The following GREB1L variants were observed in gnomAD, a reference collection of about 807,000 sequenced individuals.
GREB1L encodes GREB1-like protein.
GREB1L carries 17 observed loss-of-function variants against 200.8 expected under a neutral mutation model. The observed-to-expected ratio is 0.08, with a 90% CI of 0.06 to 0.13. The LOEUF is 0.13. GREB1L is among the 10% of genes least tolerant of loss of function. GREB1L has a pLI of 1.00. For missense variants in GREB1L, 1,657 were observed against 2,367.7 expected (o/e 0.70, Z 6.23); for synonymous variants, 789 against 893.0 (o/e 0.88, Z 2.08).
chr18:21,323,738 C>T (rs1301131455), intron 1 of GREB1L, among the ~76,000 whole-genome samples: 1 of 152,088 alleles, frequency 6.6e-6, no homozygotes. Flanking sequence ...TAGCAAGACC[C>T]CATCTCTAAA....
chr18:21,291,924 A>G (rs1280328589), intron 1 of GREB1L, among the ~76,000 whole-genome samples: 1 of 152,224 alleles, frequency 6.6e-6, no homozygotes, highest in East Asian at 1.9e-4. Flanking sequence ...TACTCTGAAT[A>G]TTTGTGTAAC....
In GREB1L at chr18:21,377,237, T is replaced by C. The variant is rs544448183; in HGVS notation, c.-9-6273T>C. Among the ~76,000 whole-genome samples the C allele has an allele frequency of 5.3e-5, 8 of 151,968 alleles. No individual in the cohort carries two copies. The South Asian group carries it at 8.3e-4, about 16-fold the overall frequency. ...AGGCAGCCTCTATCCCCGGTGACTT[T>C]AGAAAGTGGGGCTAGAGAGGTTGGA... On this transcript the variant is annotated intron_variant, in intron 2 of 32. Coordinates refer to ENST00000424526, the MANE Select transcript of GREB1L (RefSeq NM_001142966.3).
intron 23 of GREB1L, 74 bp downstream of exon 23, chr18:21,500,716 CT>C: frequency 9.2e-7 from 1 of 1,081,366 alleles, no homozygotes; most frequent in South Asian, 1.6e-5. Flanking sequence ...CGGGAACTTG[CT>C]TTTGGCTTCT....
chr18:21,451,327 T>C, intron 13 of GREB1L, 176 bp downstream of exon 13: 1 of 624,240 alleles, frequency 1.6e-6, no homozygotes, highest in Non-Finnish European at 2.6e-6. Flanking sequence ...TAAGGGGGTC[T>C]AGAGGAAGGC....
chr18:21,250,952 C>A lies in GREB1L; in HGVS notation c.-120+8559C>A, dbSNP rs1056282075. Among the ~76,000 whole-genome samples the A allele has an allele frequency of 8.5e-5, 13 of 152,128 alleles. 1 individual carries two copies. The highest frequency in any genetic ancestry group is 1.8e-4 in the Non-Finnish European group (12 of 68,028). ...ACATTTTGGTAGCCATTCTTTTATG[C>A]ATCTCCATGCATATTTATATATAAT... On this transcript the variant is annotated intron_variant, in intron 1 of 32. Transcript: ENST00000424526.
intron 11 of GREB1L, among the ~76,000 whole-genome samples, chr18:21,448,053 TC>T (rs1189296216): frequency 1.3e-5 from 2 of 151,048 alleles, no homozygotes; most frequent in Non-Finnish European, 2.9e-5. Context: ...TCCCAGATAC[TC>T]CGGAGGCTGA....
rs145328908 is a variant in GREB1L, at chr18:21,298,595, A to G, written c.-120+56202A>G. Among the ~76,000 whole-genome samples, 72 of 152,276 alleles carry G rather than the reference A, an allele frequency of 4.7e-4. 4 individuals are homozygous for G. Among genetic ancestry groups the G allele is most frequent in the Middle Eastern group, 6.8e-3 (2 of 294 alleles). ...GGATTTGTGACTTTATAAAATAGCT[A>G]TTTTCAAGGGTGCTCCTGACTGAAT... On this transcript the variant is annotated intron_variant, in intron 1 of 32. Coordinates refer to ENST00000424526, the MANE Select transcript of GREB1L (RefSeq NM_001142966.3).
intron 10 of GREB1L, among the ~76,000 whole-genome samples, 169 bp from the exon 11 acceptor site, chr18:21,444,055 A>C (rs968753403): frequency 6.6e-6 from 1 of 152,228 alleles, no homozygotes; most frequent in Non-Finnish European, 1.5e-5. Flanking sequence ...TAGAATTTGG[A>C]GCATCCAAGT....
intron 1 of GREB1L, among the ~76,000 whole-genome samples, chr18:21,359,087 G>C (rs1469298565): frequency 6.6e-6 from 1 of 152,196 alleles, no homozygotes; most frequent in Non-Finnish European, 1.5e-5. Flanking sequence ...GAAGATAGGT[G>C]TCTTGGCCAT....
At chr18:21,505,113 G>A (rs1198583486) in intron 23 of GREB1L, among the ~76,000 whole-genome samples, 1 of 152,158 alleles carries the variant, frequency 6.6e-6, no homozygotes, top group Non-Finnish European at 1.5e-5. Flanking sequence ...ACAGAAATAA[G>A]ATCATCCAAA....
At chr18:21,256,294 G>A (rs778321434) in intron 1 of GREB1L, among the ~76,000 whole-genome samples, 23 of 152,152 alleles carry the variant, frequency 1.5e-4, no homozygotes, top group Non-Finnish European at 3.4e-4. Flanking sequence ...CTACTTTGAT[G>A]ATTTAATAAT....
At chr18:21,322,472 G>A (rs1372657403) in intron 1 of GREB1L, among the ~76,000 whole-genome samples, 1 of 152,026 alleles carries the variant, frequency 6.6e-6, no homozygotes, top group African/African-American at 2.4e-5. Context: ...TCTTGGATAA[G>A]AAGCTCCTAA....
At chr18:21,290,113 C>G (rs2038423356) in intron 1 of GREB1L, among the ~76,000 whole-genome samples, 1 of 152,114 alleles carries the variant, frequency 6.6e-6, no homozygotes, top group Admixed American at 6.5e-5. Flanking sequence ...GGGCTTTGGC[C>G]TTGGAGTGCT....
At chr18:21,460,523 A>G (rs2034999230) in intron 15 of GREB1L, among the ~76,000 whole-genome samples, 1 of 151,892 alleles carries the variant, frequency 6.6e-6, no homozygotes, top group Non-Finnish European at 1.5e-5. Context: ...TTTTTTTTAT[A>G]TAGACGGAGT....
chr18:21,397,395 G>A (rs2041115897), intron 5 of GREB1L, among the ~76,000 whole-genome samples: 2 of 151,762 alleles, frequency 1.3e-5, no homozygotes, highest in Admixed American at 1.3e-4. Context: ...CGTGGTGGTG[G>A]GTGCCTGCAG....
intron 5 of GREB1L, among the ~76,000 whole-genome samples, chr18:21,396,856 G>A (rs1254932345): frequency 6.6e-6 from 1 of 152,130 alleles, no homozygotes; most frequent in Non-Finnish European, 1.5e-5. Flanking sequence ...GAGCACATGA[G>A]ATTTGTTGCT....
At chr18:21,351,222 T>C (rs2039428398) in intron 1 of GREB1L, among the ~76,000 whole-genome samples, 1 of 152,168 alleles carries the variant, frequency 6.6e-6, no homozygotes, top group Non-Finnish European at 1.5e-5. Context: ...CTGCTTTATG[T>C]AGATGTTTCT....
At chr18:21,422,926 A>G (rs1035637316) in intron 7 of GREB1L, among the ~76,000 whole-genome samples, 6 of 152,008 alleles carry the variant, frequency 3.9e-5, no homozygotes, top group Non-Finnish European at 7.4e-5. Flanking sequence ...GATGGGTGAA[A>G]AATAAAATCT....
chr18:21,307,878 TTCCTGTAATCAA>T (rs534718097), intron 1 of GREB1L, among the ~76,000 whole-genome samples: 322 of 151,822 alleles, frequency 2.1e-3, no homozygotes, highest in Non-Finnish European at 3.6e-3. Context: ...TCCTTTGGGG[TTCCTGTAATCAA>T]TCCTTCTCAT....
Sources: gnomAD v4.1 joint callset for allele counts (sites outside exome capture counted in the v4.1 genomes callset) on GRCh38, gnomAD v4.1.1 for gene constraint, MANE v1.5 for transcripts, NCBI Gene and HGNC (gene_info 2026-07-23, HGNC 2026-07-21) for gene names.